The following CDKAL1 variants were observed in gnomAD, a reference collection of about 807,000 sequenced individuals.
The protein encoded by CDKAL1 is threonylcarbamoyladenosine tRNA methylthiotransferase.
In CDKAL1, 32 loss-of-function variants were observed where a neutral mutation model predicts 68.2. That is an observed-to-expected ratio of 0.47 (90% CI 0.35 to 0.63). The LOEUF is 0.63. CDKAL1 is among the 30% of genes least tolerant of loss of function. CDKAL1 has a pLI of 0.00. For missense variants in CDKAL1, 606 were observed against 696.7 expected, an observed-to-expected ratio of 0.87 and a Z score of 1.47; for synonymous variants, 234 against 244.3, an observed-to-expected ratio of 0.96 and a Z score of 0.39.
intron 9 of CDKAL1, among the ~76,000 whole-genome samples, chr6:20,902,659 A>G (rs910335779): frequency 2.0e-5 from 3 of 152,246 alleles, no homozygotes; most frequent in Non-Finnish European, 4.4e-5. Context: ...CATATAGATT[A>G]TATATAAAAC....
At chr6:20,888,994 CAAAGTGTTCCT>C (rs1761238157) in intron 9 of CDKAL1, among the ~76,000 whole-genome samples, 1 of 152,102 alleles carries the variant, frequency 6.6e-6, no homozygotes, top group African/African-American at 2.4e-5. Context: ...CCAACAGTGT[CAAAGTGTTCCT>C]ATTTCTCCAC....
intron 13 of CDKAL1, among the ~76,000 whole-genome samples, chr6:21,194,636 T>G (rs763915005): frequency 2.0e-5 from 3 of 152,240 alleles, no homozygotes; most frequent in Non-Finnish European, 2.9e-5. Flanking sequence ...AATTTTGTTA[T>G]GTGAGGGTCT....
At chr6:20,987,167 T>A (rs1259615065) in intron 10 of CDKAL1, among the ~76,000 whole-genome samples, 2 of 152,186 alleles carry the variant, frequency 1.3e-5, no homozygotes, top group African/African-American at 4.8e-5. Flanking sequence ...ATGCCTTAAG[T>A]TTTGGTTACC....
At chr6:20,636,896 G>T (rs1222924549) in intron 4 of CDKAL1, among the ~76,000 whole-genome samples, 1 of 151,972 alleles carries the variant, frequency 6.6e-6, no homozygotes, top group Non-Finnish European at 1.5e-5. Context: ...AATTAGCCAG[G>T]TATGGTGGTG....
At chr6:21,089,872 T>C (rs1007963777) in intron 12 of CDKAL1, among the ~76,000 whole-genome samples, 21 of 152,230 alleles carry the variant, frequency 1.4e-4, no homozygotes, top group African/African-American at 1.9e-4. Context: ...TTGAGGACAT[T>C]GGATTCTTGT....
At chr6:20,744,806 T>C (rs1446812894) in intron 6 of CDKAL1, among the ~76,000 whole-genome samples, 1 of 152,220 alleles carries the variant, frequency 6.6e-6, no homozygotes, top group Admixed American at 6.5e-5. Context: ...CTAGAAAGTG[T>C]GTTTATGAAA....
At chr6:21,176,579 T>C (rs749936018) in intron 13 of CDKAL1, among the ~76,000 whole-genome samples, 1 of 152,056 alleles carries the variant, frequency 6.6e-6, no homozygotes, top group Non-Finnish European at 1.5e-5. Context: ...TGAAGGATAG[T>C]ACACGTGTGC....
intron 8 of CDKAL1, among the ~76,000 whole-genome samples, chr6:20,798,608 T>C (rs1288047968): frequency 6.6e-6 from 1 of 152,024 alleles, no homozygotes; most frequent in Non-Finnish European, 1.5e-5. Flanking sequence ...TTCACATCCT[T>C]TGTAGGGACA....
chr6:21,121,941 G>A (rs535342538), intron 13 of CDKAL1, among the ~76,000 whole-genome samples: 2 of 152,234 alleles, frequency 1.3e-5, no homozygotes, highest in East Asian at 1.9e-4. Context: ...TTGGGGTTAC[G>A]TGGTCTTTAC....
intron 5 of CDKAL1, among the ~76,000 whole-genome samples, chr6:20,688,136 C>A (rs555334603): frequency 6.6e-5 from 10 of 151,954 alleles, no homozygotes; most frequent in Non-Finnish European, 1.5e-4. Context: ...CCTCACCCCC[C>A]ACCTCTGGCT....
intron 4 of CDKAL1, among the ~76,000 whole-genome samples, chr6:20,593,798 T>C (rs1358096310): frequency 6.6e-6 from 1 of 152,234 alleles, no homozygotes; most frequent in Non-Finnish European, 1.5e-5. Flanking sequence ...TTTCCCACTT[T>C]CTGCTGTGGG....
intron 8 of CDKAL1, among the ~76,000 whole-genome samples, chr6:20,814,948 G>A (rs1776982960): frequency 6.6e-6 from 1 of 152,136 alleles, no homozygotes; most frequent in Non-Finnish European, 1.5e-5. Context: ...CCATCTATAT[G>A]TTGAGATCTG....
At chr6:21,210,598 G>A (rs1449631922) in intron 15 of CDKAL1, among the ~76,000 whole-genome samples, 1 of 152,154 alleles carries the variant, frequency 6.6e-6, no homozygotes, top group Non-Finnish European at 1.5e-5. Context: ...TTTTGTTACA[G>A]TCACCGAAAC....
chr6:21,133,327 T>C (rs1443282905), intron 13 of CDKAL1, among the ~76,000 whole-genome samples: 1 of 152,220 alleles, frequency 6.6e-6, no homozygotes, highest in African/African-American at 2.4e-5. Context: ...TCTTCTTTTT[T>C]TTAATCTTAG....
At chr6:20,866,535 A>G (rs1759917302) in intron 9 of CDKAL1, among the ~76,000 whole-genome samples, 1 of 152,216 alleles carries the variant, frequency 6.6e-6, no homozygotes, top group African/African-American at 2.4e-5. Context: ...ATTTATTCTT[A>G]TACTTTTTAA....
chr6:20,965,849 C>G (rs1765281455), intron 10 of CDKAL1, among the ~76,000 whole-genome samples: 1 of 152,184 alleles, frequency 6.6e-6, no homozygotes, highest in Admixed American at 6.5e-5. Flanking sequence ...CAGTTATGCT[C>G]AAACCATTGA....
At position 20,794,452 on chromosome 6, in the gene CDKAL1, C is replaced by CT. The variant is rs35025612; in HGVS notation, c.638+13194dup. Among the ~76,000 whole-genome samples the CT allele has an allele frequency of 7.2e-5, 11 of 152,068 alleles. No individual in the cohort carries two copies. In the East Asian group the frequency reaches 1.2e-3, roughly 16 times the overall value. ...CCAGCTAATGAGAATGATCTGAAGA[C>CT]TTTTTTTGTAAGAGATGGGAAAAAA... On this transcript the variant is annotated intron_variant, in intron 8 of 15. Coordinates refer to ENST00000274695, the MANE Select transcript of CDKAL1 (RefSeq NM_017774.3).
chr6:20,620,004 C>G (rs1767104856), intron 4 of CDKAL1, among the ~76,000 whole-genome samples: 1 of 152,138 alleles, frequency 6.6e-6, no homozygotes, highest in Non-Finnish European at 1.5e-5. Flanking sequence ...CTACTTTTGT[C>G]TGTTTTGTTC....
intron 15 of CDKAL1, among the ~76,000 whole-genome samples, chr6:21,218,228 C>G (rs1409057400): frequency 6.6e-6 from 1 of 152,136 alleles, no homozygotes; most frequent in Non-Finnish European, 1.5e-5. Flanking sequence ...AGCAACTGTT[C>G]CAGAAAACTT....
Sources: gnomAD v4.1 joint callset for allele counts (sites outside exome capture counted in the v4.1 genomes callset) on GRCh38, gnomAD v4.1.1 for gene constraint, MANE v1.5 for transcripts, NCBI Gene and HGNC (gene_info 2026-07-23, HGNC 2026-07-21) for gene names.